The following LHFPL3 variants were observed in gnomAD, a reference collection of about 807,000 sequenced individuals.
LHFPL3 encodes LHFPL tetraspan subfamily member 3 protein.
A neutral mutation model predicts 19.3 loss-of-function variants in LHFPL3; 5 were observed. The ratio of observed to expected loss-of-function variants is 0.26; its 90% CI spans 0.14 to 0.54. The LOEUF is 0.54. Among genes scored for constraint, LHFPL3 ranks in the 20% least tolerant of loss-of-function variants. The probability of loss-of-function intolerance (pLI) is 0.94; values close to 1 mark genes in which losing one functional copy is unlikely to be tolerated. For missense variants in LHFPL3, 249 were observed against 307.4 expected, an observed-to-expected ratio of 0.81 and a Z score of 1.42; for synonymous variants, 133 against 126.2, an observed-to-expected ratio of 1.05 and a Z score of -0.36.
At chr7:104,830,359 G>T (rs1386990954) in intron 2 of LHFPL3, among the ~76,000 whole-genome samples, 4 of 151,686 alleles carry the variant, frequency 2.6e-5, no homozygotes, top group Non-Finnish European at 2.9e-5. Flanking sequence ...GTCAATTTTG[G>T]CTTTTGTTGC....
At chr7:104,571,529 T>A (rs950265732) in intron 1 of LHFPL3, among the ~76,000 whole-genome samples, 10 of 152,162 alleles carry the variant, frequency 6.6e-5, no homozygotes, top group African/African-American at 2.4e-4. Flanking sequence ...GCAAGTGACT[T>A]ACAAGCCTTT....
chr7:104,452,540 T>G (rs1259984506), intron 1 of LHFPL3, among the ~76,000 whole-genome samples: 1 of 152,252 alleles, frequency 6.6e-6, no homozygotes, highest in Non-Finnish European at 1.5e-5. Context: ...AAAGGCACTT[T>G]ATACCTAATG....
intron 1 of LHFPL3, among the ~76,000 whole-genome samples, chr7:104,431,199 T>C (rs1383657048): frequency 6.6e-6 from 1 of 152,184 alleles, no homozygotes; most frequent in African/African-American, 2.4e-5. Context: ...GCCATCTACT[T>C]TAGCCCCTAC....
chr7:104,352,404 C>T (rs966989533), intron 1 of LHFPL3, among the ~76,000 whole-genome samples: 2 of 152,002 alleles, frequency 1.3e-5, no homozygotes, highest in African/African-American at 4.8e-5. Context: ...TAAATATTAG[C>T]TATTTTCATT....
intron 2 of LHFPL3, among the ~76,000 whole-genome samples, chr7:104,816,685 A>G (rs1392636918): frequency 1.3e-5 from 2 of 152,170 alleles, no homozygotes; most frequent in African/African-American, 4.8e-5. Flanking sequence ...CCTGCTTTCA[A>G]AGGCACACAG....
intron 2 of LHFPL3, among the ~76,000 whole-genome samples, chr7:104,872,925 T>C (rs1316787311): frequency 1.3e-5 from 2 of 152,252 alleles, no homozygotes; most frequent in Non-Finnish European, 2.9e-5. Context: ...TATTATGTAC[T>C]GTACATAATT....
chr7:104,637,826 C>CTTTTTTTTTTTTTTTT (rs375790026), intron 1 of LHFPL3, among the ~76,000 whole-genome samples: 1 of 108,952 alleles, frequency 9.2e-6, no homozygotes, highest in African/African-American at 3.6e-5. Context: ...ATGCCTCCAG[C>CTTTTTTTTTTTTTTTT]TTTTTTTTTT....
At chr7:104,771,530 G>A (rs6950832) in intron 2 of LHFPL3, among the ~76,000 whole-genome samples, 36,549 of 151,754 alleles carry the variant, frequency 0.24, 4,664 homozygotes, top group East Asian at 0.46. Context: ...ACAGGTTTTT[G>A]GAAATATATA....
chr7:104,460,743 G>C (rs375287449), intron 1 of LHFPL3, among the ~76,000 whole-genome samples: 1 of 152,096 alleles, frequency 6.6e-6, no homozygotes, highest in Non-Finnish European at 1.5e-5. Flanking sequence ...CTGGATATTA[G>C]ATCTTTTTCA....
chr7:104,467,858 C>G (rs1792823754), intron 1 of LHFPL3, among the ~76,000 whole-genome samples: 2 of 152,340 alleles, frequency 1.3e-5, no homozygotes, highest in South Asian at 4.1e-4. Flanking sequence ...TCTCTTCCTT[C>G]TCTTTCTCTT....
intron 1 of LHFPL3, among the ~76,000 whole-genome samples, chr7:104,588,938 G>T (rs1790644213): frequency 6.6e-6 from 1 of 152,184 alleles, no homozygotes; most frequent in Admixed American, 6.5e-5. Flanking sequence ...GTGTAGGAAT[G>T]CTGGTGATTT....
chr7:104,667,994 A>G, intron 1 of LHFPL3: 2 of 1,613,478 alleles, frequency 1.2e-6, no homozygotes, highest in Non-Finnish European at 1.7e-6. Flanking sequence ...CTGCTCGGGA[A>G]CCCAATATCG....
intron 1 of LHFPL3, among the ~76,000 whole-genome samples, chr7:104,689,935 C>T (rs558818201): frequency 6.6e-6 from 1 of 152,316 alleles, no homozygotes; most frequent in South Asian, 2.1e-4. Flanking sequence ...CCCACATTGG[C>T]TGCCTGACAG....
intron 1 of LHFPL3, among the ~76,000 whole-genome samples, chr7:104,416,563 G>A (rs1234209638): frequency 6.6e-6 from 1 of 152,144 alleles, no homozygotes; most frequent in Non-Finnish European, 1.5e-5. Context: ...TTCCTACAAG[G>A]GAGGCTTGGG....
intron 1 of LHFPL3, among the ~76,000 whole-genome samples, chr7:104,372,564 GA>G (rs1790636053): frequency 6.6e-6 from 1 of 152,196 alleles, no homozygotes; most frequent in Non-Finnish European, 1.5e-5. Flanking sequence ...ATCCTCAAAA[GA>G]AAAGGTCTAA....
At chr7:104,346,479 G>T (rs1335827469) in intron 1 of LHFPL3, among the ~76,000 whole-genome samples, 1 of 151,948 alleles carries the variant, frequency 6.6e-6, no homozygotes, top group Non-Finnish European at 1.5e-5. Flanking sequence ...TTGTGCCATT[G>T]CTCAATGGGG....
chr7:104,885,274 GC>G lies in LHFPL3; in HGVS notation c.683-20911del, dbSNP rs143848373. Among the ~76,000 whole-genome samples, 101 of 152,332 alleles carry G rather than the reference GC, an allele frequency of 6.6e-4. 2 individuals are homozygous for G. The East Asian group carries it at 0.015, about 22-fold the overall frequency. On this transcript the variant is annotated intron_variant, in intron 2 of 2. Transcript: ENST00000424859. ...CCCTCCAAGGGTGGTATGGTACAGG[GC>G]CAGTCCTTGGCCTTTCCTCCTTCTC...
chr7:104,573,283 G>C (rs7797397), intron 1 of LHFPL3, among the ~76,000 whole-genome samples: 5,145 of 151,830 alleles, frequency 0.034, 263 homozygotes, highest in African/African-American at 0.12. Flanking sequence ...ATAGTGGCGG[G>C]CACCTGTAAT....
At chr7:104,771,623 A>C (rs988085659) in intron 2 of LHFPL3, among the ~76,000 whole-genome samples, 1 of 152,048 alleles carries the variant, frequency 6.6e-6, no homozygotes, top group African/African-American at 2.4e-5. Flanking sequence ...TTACAGCCCA[A>C]TGAATATTGA....
Sources: gnomAD v4.1 joint callset for allele counts (sites outside exome capture counted in the v4.1 genomes callset) on GRCh38, gnomAD v4.1.1 for gene constraint, MANE v1.5 for transcripts, NCBI Gene and HGNC (gene_info 2026-07-23, HGNC 2026-07-21) for gene names.